The following DLGAP1 variants were observed in gnomAD, a reference collection of about 807,000 sequenced individuals.
DLGAP1 encodes the protein disks large-associated protein 1.
DLGAP1 carries 11 observed loss-of-function variants against 90.8 expected under a neutral mutation model. The observed-to-expected ratio is 0.12, with a 90% CI of 0.08 to 0.20. The LOEUF (loss-of-function observed/expected upper bound fraction) is 0.20. Among genes scored for constraint, DLGAP1 ranks in the 10% least tolerant of loss-of-function variants. DLGAP1 has a pLI of 1.00. For synonymous variants in DLGAP1, 558 were observed against 540.7 expected (o/e 1.03, Z -0.44); for missense variants, 1,050 against 1,333.8 (o/e 0.79, Z 3.31).
chr18:4,450,011 T>G (rs1235854885), intron 1 of DLGAP1, among the ~76,000 whole-genome samples: 3 of 152,168 alleles, frequency 2.0e-5, no homozygotes, highest in African/African-American at 7.2e-5. Context: ...ACATCCTAAT[T>G]TGAAAGGATG....
chr18:4,082,510 C>CAAAAAAA (rs59735494), intron 2 of DLGAP1, among the ~76,000 whole-genome samples: 30 of 52,086 alleles, frequency 5.8e-4, no homozygotes, highest in East Asian at 1.5e-3. Context: ...GACTTTGTCT[C>CAAAAAAA]AAAAAAAAAA....
chr18:4,360,816 T>C (rs1392175731), intron 1 of DLGAP1, among the ~76,000 whole-genome samples: 1 of 152,102 alleles, frequency 6.6e-6, no homozygotes, highest in East Asian at 1.9e-4. Flanking sequence ...CTGTCTCTAC[T>C]AAAAACACAA....
At chr18:3,768,143 ATTTCT>A (rs2064342572) in intron 5 of DLGAP1, among the ~76,000 whole-genome samples, 3 of 152,302 alleles carry the variant, frequency 2.0e-5, no homozygotes, top group Non-Finnish European at 4.4e-5. Context: ...AATCAGTTGT[ATTTCT>A]CTATGTAGTA....
intron 1 of DLGAP1, among the ~76,000 whole-genome samples, chr18:4,338,870 T>C (rs2081129493): frequency 6.6e-6 from 1 of 152,184 alleles, no homozygotes; most frequent in South Asian, 2.1e-4. Context: ...TCAATGTAAA[T>C]GGCCTATTAT....
chr18:3,765,517 T>G (rs2147955144), intron 5 of DLGAP1, among the ~76,000 whole-genome samples: 1 of 151,614 alleles, frequency 6.6e-6, no homozygotes, highest in East Asian at 2.0e-4. Flanking sequence ...TTATAATACC[T>G]AAAGCTACCC....
Position 4,224,400 on chromosome 18 carries a change from G to C in DLGAP1, c.-266-73113C>G, listed in dbSNP as rs544301846. ...GGTAGAGTACCAAGGGGGATCTTGG[G>C]GTCCGTGATACCAGGCTAAGCTCTT... On this transcript the variant is annotated intron_variant, in intron 1 of 12. Transcript: ENST00000315677. Among the ~76,000 whole-genome samples, 3 of 152,256 alleles carry C rather than the reference G, an allele frequency of 2.0e-5. No homozygotes were observed. In the East Asian group the frequency reaches 5.8e-4, roughly 29 times the overall value.
At chr18:3,501,126 C>T (rs1439485692) in intron 12 of DLGAP1, among the ~76,000 whole-genome samples, 1 of 151,792 alleles carries the variant, frequency 6.6e-6, no homozygotes, top group Non-Finnish European at 1.5e-5. Context: ...TATTGTTGCC[C>T]AGGCTGGTTT....
At position 3,567,480 on chromosome 18, in the gene DLGAP1, G is replaced by A; in HGVS notation, c.2057+10C>T. ...TCAAGACAAAAGAGGATGCGTGCAT[G>A]TGGACTTACCACTTCTCTTCTTCTA... is the stretch of plus-strand genomic sequence containing the variant. On this transcript the variant is annotated intron_variant, in intron 9 of 12. Coordinates refer to ENST00000315677, the MANE Select transcript of DLGAP1 (RefSeq NM_004746.4). 6.2e-7 allele frequency: 1 copy of A among 1,610,332 alleles called. No individual in the cohort carries two copies. The highest frequency in any genetic ancestry group is 8.5e-7 in the Non-Finnish European group (1 of 1,176,942).
At chr18:3,931,597 C>T (rs1223533053) in intron 3 of DLGAP1, among the ~76,000 whole-genome samples, 4 of 152,102 alleles carry the variant, frequency 2.6e-5, no homozygotes, top group Admixed American at 2.6e-4. Context: ...CAAGGTAATT[C>T]AAATGCAGCT....
intron 7 of DLGAP1, among the ~76,000 whole-genome samples, chr18:3,707,488 T>C (rs2061470035): frequency 6.6e-6 from 1 of 151,812 alleles, no homozygotes; most frequent in Non-Finnish European, 1.5e-5. Flanking sequence ...TAATCCCAGC[T>C]GCTCAGGAGG....
chr18:3,929,106 T>C (rs2072459138), intron 3 of DLGAP1, among the ~76,000 whole-genome samples: 2 of 152,226 alleles, frequency 1.3e-5, no homozygotes, highest in African/African-American at 4.8e-5. Context: ...TGGAGAACTG[T>C]GAGCCAGCTA....
chr18:3,895,677 C>T (rs2071605105), intron 3 of DLGAP1: 1 of 152,252 alleles, frequency 6.6e-6, no homozygotes, highest in Admixed American at 6.5e-5. Flanking sequence ...TTGGTGCCAG[C>T]ACCGTACAGA....
At chr18:3,610,441 T>G (rs1362941671) in intron 7 of DLGAP1, among the ~76,000 whole-genome samples, 1 of 152,132 alleles carries the variant, frequency 6.6e-6, no homozygotes, top group Non-Finnish European at 1.5e-5. Context: ...CCTGTGAGAT[T>G]TAACCCACCT....
intron 1 of DLGAP1, among the ~76,000 whole-genome samples, chr18:4,314,985 A>C (rs779533537): frequency 6.6e-6 from 1 of 152,202 alleles, no homozygotes; most frequent in Non-Finnish European, 1.5e-5. Context: ...TTTCCCCAAA[A>C]TTAAATTTTG....
Position 4,342,596 on chromosome 18 carries a change from G to A in DLGAP1, c.-267+112410C>T, listed in dbSNP as rs1024772783. On this transcript the variant is annotated intron_variant, in intron 1 of 12. Transcript: ENST00000315677. This position sits in a 1 kb window ranked among gnomAD's most constrained non-coding sequence, Gnocchi z 5.8. ...TTACATCATTCTTTCCAAGAATCTG[G>A]CTTAGGCTGAGATTACACAAAGAGG... 6.6e-6 allele frequency among the ~76,000 whole-genome samples: 1 copy of A among 151,794 alleles called. No homozygotes were observed. The highest frequency in any genetic ancestry group is 1.5e-5 in the Non-Finnish European group (1 of 67,938).
chr18:3,549,374 C>T (rs1314736365), intron 9 of DLGAP1, among the ~76,000 whole-genome samples: 1 of 151,218 alleles, frequency 6.6e-6, no homozygotes, highest in Non-Finnish European at 1.5e-5. Flanking sequence ...ACTCTGTTGC[C>T]CAGGCTGGAG....
rs147140169 is a variant in DLGAP1, at chr18:4,099,345, A to ATCTGTCTG, written c.-159+51827_-159+51834dup. ...TATCTATCTATCTATCTATCTATCT[A>ATCTGTCTG]TCTGTCTGTCTGTCTATCTTTTTAC... On this transcript the variant is annotated intron_variant, in intron 2 of 12. Transcript: ENST00000315677. Among the ~76,000 whole-genome samples the ATCTGTCTG allele has an allele frequency of 2.6e-3, 193 of 73,072 alleles. 1 individual carries two copies. The highest frequency in any genetic ancestry group is 8.9e-3 in the South Asian group (28 of 3,150). The allele number at this position is 73,072 out of a possible 152,430, so 47.9% of individuals were successfully genotyped here.
At chr18:3,554,459 G>A (rs1273097782) in intron 9 of DLGAP1, among the ~76,000 whole-genome samples, 2 of 152,144 alleles carry the variant, frequency 1.3e-5, no homozygotes, top group Non-Finnish European at 1.5e-5. Flanking sequence ...AACGACATAC[G>A]CATTCATTAT....
intron 1 of DLGAP1, among the ~76,000 whole-genome samples, chr18:4,263,061 G>A (rs1205295650): frequency 6.6e-6 from 1 of 152,092 alleles, no homozygotes; most frequent in Non-Finnish European, 1.5e-5. Flanking sequence ...AGCCTCCGGA[G>A]TAGCTGGGAC....
Sources: allele counts gnomAD v4.1 joint callset (sites outside exome capture counted in the v4.1 genomes callset), GRCh38; gene constraint gnomAD v4.1.1; non-coding constraint Gnocchi (gnomAD v3.1); transcripts MANE v1.5; gene names NCBI Gene and HGNC (gene_info 2026-07-23, HGNC 2026-07-21).